Variants in DAPK1 observed in about 807,000 individuals in gnomAD.
DAPK1 encodes the protein death associated protein kinase 1, also known as death-associated protein kinase 1.
In DAPK1, 56 loss-of-function variants were observed where a neutral mutation model predicts 144.9. The observed-to-expected ratio is 0.39, with a 90% CI of 0.31 to 0.48. The LOEUF (loss-of-function observed/expected upper bound fraction) is 0.48. Among genes scored for constraint, DAPK1 ranks in the 20% least tolerant of loss-of-function variants. DAPK1 has a pLI of 0.95. For synonymous variants in DAPK1, 690 were observed against 749.0 expected, an observed-to-expected ratio of 0.92 and a Z score of 1.29; for missense variants, 1,454 against 1,875.4, an observed-to-expected ratio of 0.78 and a Z score of 4.15.
intron 21 of DAPK1, among the ~76,000 whole-genome samples, chr9:87,695,693 C>A (rs1825233560): frequency 1.3e-5 from 2 of 152,300 alleles, no homozygotes; most frequent in South Asian, 4.1e-4. Context: ...CATCTCACAC[C>A]CCTGCATGCT....
intron 2 of DAPK1, among the ~76,000 whole-genome samples, chr9:87,547,566 GGAGA>G (rs3031521): frequency 3.0e-3 from 348 of 117,716 alleles, no homozygotes; most frequent in African/African-American, 0.012. Flanking sequence ...AAGTGTGTGT[GGAGA>G]GAGAGAGAGT....
chr9:87,497,743 G>T (rs550136479), upstream of DAPK1: 15 of 292,488 alleles, frequency 5.1e-5, no homozygotes, highest in Middle Eastern at 1.9e-3. Flanking sequence ...CGCAGAACCC[G>T]CAGCGCCGGC....
chr9:87,618,279 T>C (rs1829169795), intron 3 of DAPK1, among the ~76,000 whole-genome samples: 1 of 152,184 alleles, frequency 6.6e-6, no homozygotes, highest in African/African-American at 2.4e-5. Context: ...AGACAGGCAA[T>C]CTCAAGTGTT....
intron 18 of DAPK1, among the ~76,000 whole-genome samples, chr9:87,666,395 G>A (rs1403957669): frequency 6.6e-6 from 1 of 152,122 alleles, no homozygotes; most frequent in East Asian, 1.9e-4. Flanking sequence ...GTCCTTTAGA[G>A]CAACATGTTT....
At chr9:87,661,751 G>A (rs11141934) in intron 18 of DAPK1, among the ~76,000 whole-genome samples, 9,880 of 152,186 alleles carry the variant, frequency 0.065, 397 homozygotes, top group East Asian at 0.17. Context: ...TGTAGAGTTT[G>A]CGAATATTTT....
chr9:87,571,316 G>A (rs1433667904), intron 2 of DAPK1, among the ~76,000 whole-genome samples: 1 of 151,880 alleles, frequency 6.6e-6, no homozygotes, highest in Non-Finnish European at 1.5e-5. Flanking sequence ...GTGTTTGCCT[G>A]TGAAATTGTA....
chr9:87,650,128 G>A lies in DAPK1; in HGVS notation c.1626+10G>A, dbSNP rs754510780. The A allele has an allele frequency of 1.2e-6, 2 of 1,613,726 alleles. No homozygotes were observed. The highest frequency in any genetic ancestry group is 1.7e-6 in the Non-Finnish European group (2 of 1,179,912). On this transcript the variant is annotated intron_variant, in intron 16 of 25. Coordinates refer to ENST00000408954, the MANE Select transcript of DAPK1 (RefSeq NM_004938.4). ...TAATGCTTGCGACAAGGTGCCTTAT[G>A]GGGGAAGACTCATATGCACTGGGAA...
chr9:87,616,182 G>C (rs1327755923), intron 3 of DAPK1, among the ~76,000 whole-genome samples: 1 of 152,252 alleles, frequency 6.6e-6, no homozygotes, highest in Non-Finnish European at 1.5e-5. Flanking sequence ...AGTTGGGGGT[G>C]GGCAGAAGAT....
At chr9:87,524,732 C>T (rs1825422286) in intron 2 of DAPK1, among the ~76,000 whole-genome samples, 1 of 152,128 alleles carries the variant, frequency 6.6e-6, no homozygotes, top group Non-Finnish European at 1.5e-5. Context: ...GAATTAATGG[C>T]AATTGCAGTA....
intron 18 of DAPK1, chr9:87,667,632 G>A (rs1017579264): frequency 5.9e-5 from 9 of 152,038 alleles, no homozygotes; most frequent in African/African-American, 1.9e-4. Flanking sequence ...AGTAGATTTC[G>A]GATATCCCTA....
chr9:87,640,107 G>T (rs1441212965), intron 7 of DAPK1, among the ~76,000 whole-genome samples, 191 bp from the exon 8 acceptor site: 1 of 152,182 alleles, frequency 6.6e-6, no homozygotes, highest in Non-Finnish European at 1.5e-5. Context: ...AGATTAACTT[G>T]TTAAGTGAAT....
chr9:87,543,190 G>A (rs977160410), intron 2 of DAPK1, among the ~76,000 whole-genome samples: 30 of 152,170 alleles, frequency 2.0e-4, no homozygotes, highest in Non-Finnish European at 3.8e-4. Flanking sequence ...TCTTGGTCGG[G>A]GCTGTGATAG....
At chr9:87,652,658 C>G (rs1830492455) in intron 17 of DAPK1, among the ~76,000 whole-genome samples, 1 of 144,756 alleles carries the variant, frequency 6.9e-6, no homozygotes, top group African/African-American at 2.6e-5. Context: ...ATTCTGTGTC[C>G]ATGCCCCCGA....
chr9:87,639,844 C>T lies in DAPK1; in HGVS notation c.629+29C>T, dbSNP rs748484958. ...AGTATCAGAATTCACAACTCATACTCTCTTCTCTTCTATGAGACCATAGGT... is the reference window on the plus strand; with the variant it reads ...AGTATCAGAATTCACAACTCATACTTTCTTCTCTTCTATGAGACCATAGGT... On this transcript the variant is annotated intron_variant, in intron 7 of 25. Coordinates refer to ENST00000408954, the MANE Select transcript of DAPK1 (RefSeq NM_004938.4). The T allele has an allele frequency of 5.6e-6, 9 of 1,609,214 alleles. No individual in the cohort carries two copies. The Admixed American group carries it at 1.0e-4, about 18-fold the overall frequency.
chr9:87,705,040 C>T (rs1204363480), intron 25 of DAPK1, among the ~76,000 whole-genome samples: 3 of 151,910 alleles, frequency 2.0e-5, no homozygotes, highest in African/African-American at 4.8e-5. Flanking sequence ...CTCCCCTTCT[C>T]GGAGGCCAAC....
rs140815235 is a variant in DAPK1, at chr9:87,665,925, A to G, written c.1924-2672A>G. 2.8e-3 allele frequency among the ~76,000 whole-genome samples: 429 copies of G among 152,290 alleles called. 3 individuals carry two copies. Among genetic ancestry groups the G allele is most frequent in the African/African-American group, 9.8e-3 (407 of 41,554 alleles). ...TGCTGAGACACTTGGCCATCTTTCT[A>G]TATCTTTTCAATGCATGCACTTCAT... On this transcript the variant is annotated intron_variant, in intron 18 of 25. Coordinates refer to ENST00000408954, the MANE Select transcript of DAPK1 (RefSeq NM_004938.4).
At chr9:87,614,271 A>G (rs890798842) in intron 3 of DAPK1, among the ~76,000 whole-genome samples, 31 of 152,360 alleles carry the variant, frequency 2.0e-4, no homozygotes, top group African/African-American at 7.2e-4. Flanking sequence ...CCTATGTGGT[A>G]TCTGTGAGCT....
intron 2 of DAPK1, among the ~76,000 whole-genome samples, chr9:87,538,396 G>T (rs1386754039): frequency 2.0e-5 from 3 of 152,178 alleles, no homozygotes; most frequent in African/African-American, 7.2e-5. Flanking sequence ...ATCTGTAGAT[G>T]TCCGAGTGTG....
intron 2 of DAPK1, among the ~76,000 whole-genome samples, chr9:87,599,655 A>T (rs1376825248): frequency 6.6e-6 from 1 of 152,218 alleles, no homozygotes; most frequent in African/African-American, 2.4e-5. Context: ...TGATGTCTAT[A>T]TCTAATGCAA....
Sources: gnomAD v4.1 joint callset for allele counts (sites outside exome capture counted in the v4.1 genomes callset) on GRCh38, gnomAD v4.1.1 for gene constraint, MANE v1.5 for transcripts, NCBI Gene and HGNC (gene_info 2026-07-23, HGNC 2026-07-21) for gene names.